The following MORC1 variants were observed in gnomAD, a reference collection of about 807,000 sequenced individuals.
MORC1 encodes the protein MORC family CW-type zinc finger protein 1.
In MORC1, 59 loss-of-function variants were observed where a neutral mutation model predicts 134.9. The observed-to-expected ratio is 0.44, with a 90% CI of 0.35 to 0.54. The LOEUF (loss-of-function observed/expected upper bound fraction) is 0.54. Among genes scored for constraint, MORC1 ranks in the 20% least tolerant of loss-of-function variants. The pLI, the probability that MORC1 is intolerant of heterozygous loss-of-function variation, is 0.00. For synonymous variants in MORC1, 395 were observed against 391.7 expected (o/e 1.01, Z -0.10); for missense variants, 947 against 1,134.5 (o/e 0.83, Z 2.37).
intron 23 of MORC1, among the ~76,000 whole-genome samples, chr3:108,981,443 C>T (rs920600292): frequency 2.6e-5 from 4 of 152,118 alleles, no homozygotes; most frequent in Admixed American, 6.5e-5. Context: ...AGAATATTTA[C>T]ACAATGTCTG....
intron 21 of MORC1, among the ~76,000 whole-genome samples, chr3:108,997,420 C>T (rs1287532359): frequency 4.0e-5 from 6 of 151,782 alleles, no homozygotes; most frequent in Non-Finnish European, 7.4e-5. Flanking sequence ...TCCAGCTACT[C>T]GGGAGGCTGA....
intron 8 of MORC1, among the ~76,000 whole-genome samples, chr3:109,075,237 A>G (rs1950395767): frequency 1.3e-5 from 2 of 152,224 alleles, no homozygotes; most frequent in Admixed American, 6.5e-5. Context: ...TTACAGAATC[A>G]GGCTAGTAGA....
In MORC1 at chr3:109,040,428, G is replaced by A. The variant is rs1456161155; in HGVS notation, c.1331-4960C>T. Among the ~76,000 whole-genome samples, 3 of 62,348 alleles carry A rather than the reference G, an allele frequency of 4.8e-5. 1 individual carries two copies. Among genetic ancestry groups the A allele is most frequent in the African/African-American group, 1.8e-4 (3 of 16,220 alleles). The allele number at this position is 62,348 out of a possible 152,430, so 40.9% of individuals were successfully genotyped here. A position where few individuals can be genotyped will look rare whatever the true frequency, so the allele number is the denominator to read the frequency against. ...AGAAGGAAGGAAGGAAGGAAGGAAGGAAAGAAAGAAAGAAAGAAAGAAAGA... is the reference window on the plus strand; with the variant it reads ...AGAAGGAAGGAAGGAAGGAAGGAAGAAAAGAAAGAAAGAAAGAAAGAAAGA... On this transcript the variant is annotated intron_variant, in intron 14 of 27. Transcript: ENST00000232603.
intron 17 of MORC1, among the ~76,000 whole-genome samples, chr3:109,010,028 C>T (rs1948646302): frequency 6.6e-6 from 1 of 152,036 alleles, no homozygotes; most frequent in Non-Finnish European, 1.5e-5. Flanking sequence ...TTGCTTTTTA[C>T]TTTTATCTTC....
intron 17 of MORC1, among the ~76,000 whole-genome samples, chr3:109,023,778 A>G (rs531747708): frequency 3.9e-5 from 6 of 152,316 alleles, no homozygotes; most frequent in African/African-American, 1.4e-4. Context: ...TTTACCAAAA[A>G]ATAACAATTA....
At chr3:108,972,745 T>C (rs1947425189) in intron 24 of MORC1, among the ~76,000 whole-genome samples, 1 of 152,180 alleles carries the variant, frequency 6.6e-6, no homozygotes, top group Non-Finnish European at 1.5e-5. Context: ...AACTAAACCT[T>C]GCTTCTCCTC....
chr3:108,974,869 C>T (rs1341363136), intron 24 of MORC1, among the ~76,000 whole-genome samples: 2 of 152,222 alleles, frequency 1.3e-5, no homozygotes, highest in African/African-American at 4.8e-5. Flanking sequence ...AGATGAATTT[C>T]TGTGGAATCC....
At chr3:108,961,779 T>C (rs530065262) in intron 27 of MORC1, among the ~76,000 whole-genome samples, 1 of 152,356 alleles carries the variant, frequency 6.6e-6, no homozygotes, top group South Asian at 2.1e-4. Flanking sequence ...TGGCTGCTGC[T>C]TAAGAACCTA....
Position 109,095,007 on chromosome 3 carries a change from T to A in MORC1, c.485A>T (p.Gln162Leu), listed in dbSNP as rs925454082. Residue 162 changes from glutamine (Q) to leucine (L), a missense_variant, in exon 7 of 28, where the codon CAG (glutamine) becomes CTG (leucine). By Grantham distance (113) the Gln-to-Leu change is moderately radical (BLOSUM62 -2). Around this residue, in one of 3 missense-constraint regions of MORC1, gnomAD observed 214 missense variants for 281.3 expected, o/e 0.76. Transcript: ENST00000232603. ...TATAGATAATTCCATTGCAAATTTC[T>A]GGGGATCATCTGTGACAGATTCTCT... is the stretch of plus-strand genomic sequence containing the variant. The part of the protein sequence containing the change: ...RTRESVTDDP[Q>L]KFAMELSIIY... 6 of 1,593,882 alleles carry A rather than the reference T, an allele frequency of 3.8e-6. No individual in the cohort carries two copies. Among genetic ancestry groups the A allele is most frequent in the Middle Eastern group, 1.7e-4 (1 of 6,010 alleles).
intron 5 of MORC1, 24 bp downstream of exon 5, chr3:109,100,393 T>C: frequency 6.5e-7 from 1 of 1,536,354 alleles, no homozygotes; most frequent in Non-Finnish European, 9.0e-7. Flanking sequence ...ATAATATATG[T>C]CTTAAGGGAA....
chr3:108,996,685 G>C (rs1948239467), intron 21 of MORC1, among the ~76,000 whole-genome samples: 1 of 152,116 alleles, frequency 6.6e-6, no homozygotes, highest in Non-Finnish European at 1.5e-5. Flanking sequence ...GGTTCACACT[G>C]GCTAAAAGGC....
intron 17 of MORC1, among the ~76,000 whole-genome samples, chr3:109,024,732 T>C (rs1273910569): frequency 6.6e-6 from 1 of 152,186 alleles, no homozygotes; most frequent in Non-Finnish European, 1.5e-5. Context: ...TATTGTATGA[T>C]TCTGTGATAC....
intron 26 of MORC1, among the ~76,000 whole-genome samples, chr3:108,969,175 C>T (rs190297570): frequency 2.0e-4 from 30 of 152,152 alleles, no homozygotes; most frequent in South Asian, 4.2e-4. Context: ...TATCAGTGAT[C>T]TTGGAATGGC....
chr3:109,035,503 A>C, intron 14 of MORC1, 35 bp from the exon 15 acceptor site: 1 of 1,330,670 alleles, frequency 7.5e-7, no homozygotes. Context: ...GAATAACAAA[A>C]AAAAATCATT....
At chr3:108,971,537 G>T in intron 24 of MORC1, 135 bp from the exon 25 acceptor site, 1 of 706,040 alleles carries the variant, frequency 1.4e-6, no homozygotes, top group Non-Finnish European at 2.3e-6. Context: ...CAAACATTTT[G>T]TTTTTATCAC....
chr3:109,084,895 G>A (rs1434014739), intron 8 of MORC1, among the ~76,000 whole-genome samples: 1 of 152,080 alleles, frequency 6.6e-6, no homozygotes, highest in Non-Finnish European at 1.5e-5. Context: ...GTGCAAAGGG[G>A]AAAGGACAGT....
intron 8 of MORC1, among the ~76,000 whole-genome samples, chr3:109,072,934 A>AACACACACACACACACACAC (rs58749136): frequency 2.1e-5 from 3 of 144,746 alleles, no homozygotes; most frequent in African/African-American, 8.1e-5. Context: ...AATCTCCCTC[A>AACACACACACACACACACAC]ACACACACAC....
At chr3:108,993,852 A>G (rs1576607655) in intron 21 of MORC1, among the ~76,000 whole-genome samples, 1 of 152,168 alleles carries the variant, frequency 6.6e-6, no homozygotes. Context: ...ATGATTCGCT[A>G]TCATGTAGTA....
chr3:109,065,652 A>C (rs1048270172), intron 9 of MORC1, among the ~76,000 whole-genome samples: 1 of 152,178 alleles, frequency 6.6e-6, no homozygotes, highest in African/African-American at 2.4e-5. Context: ...GAAAATACTC[A>C]GGTGGACCTA....
Sources: gnomAD v4.1 joint callset for allele counts (sites outside exome capture counted in the v4.1 genomes callset) on GRCh38, gnomAD v4.1.1 for gene constraint, gnomAD v4.1.1 regional missense constraint, MANE v1.5 for transcripts, NCBI Gene and HGNC (gene_info 2026-07-23, HGNC 2026-07-21) for gene names.